Variants in DYM observed in about 807,000 individuals in gnomAD.
The protein encoded by DYM is dymeclin.
In DYM, 78 loss-of-function variants were observed where a neutral mutation model predicts 93.1. The observed-to-expected ratio is 0.84, with a 90% CI of 0.70 to 1.01. DYM has a LOEUF of 1.01. Among genes scored for constraint, DYM ranks in the 50% least tolerant of loss-of-function variants. The pLI, the probability that DYM is intolerant of heterozygous loss-of-function variation, is 0.00. For synonymous variants in DYM, 321 were observed against 319.7 expected (o/e 1.00, Z -0.04); for missense variants, 789 against 845.0 (o/e 0.93, Z 0.82).
chr18:49,269,200 TGCTCAAAATCACATTTTGA>T (rs2094628200), intron 11 of DYM, among the ~76,000 whole-genome samples: 2 of 152,234 alleles, frequency 1.3e-5, no homozygotes, highest in South Asian at 2.1e-4. Flanking sequence ...TATGAAAATG[TGCTCAAAATCACATTTTGA>T]GCTCAAAATT....
chr18:49,131,042 G>A (rs548350763), intron 15 of DYM, among the ~76,000 whole-genome samples: 2 of 152,316 alleles, frequency 1.3e-5, no homozygotes, highest in South Asian at 4.1e-4. Context: ...ATTAAATAAC[G>A]TATTTAAAAC....
At chr18:49,400,488 CAAGAG>C (rs1366743423) in intron 2 of DYM, among the ~76,000 whole-genome samples, 1 of 152,068 alleles carries the variant, frequency 6.6e-6, no homozygotes, top group Non-Finnish European at 1.5e-5. Context: ...TTATAAGCTC[CAAGAG>C]AACAGGAAGA....
intron 11 of DYM, among the ~76,000 whole-genome samples, chr18:49,262,386 G>A (rs1409860016): frequency 6.6e-6 from 1 of 152,214 alleles, no homozygotes; most frequent in East Asian, 1.9e-4. Context: ...CTATTGTTAG[G>A]AGTCACCTAG....
intron 13 of DYM, among the ~76,000 whole-genome samples, chr18:49,253,774 AAT>A (rs1484109838): frequency 6.6e-6 from 1 of 152,158 alleles, no homozygotes; most frequent in Non-Finnish European, 1.5e-5. Flanking sequence ...TGACTCAAGA[AAT>A]TTACCTTAAA....
intron 14 of DYM, among the ~76,000 whole-genome samples, chr18:49,190,024 G>A (rs964096399): frequency 2.0e-5 from 3 of 152,170 alleles, no homozygotes; most frequent in Non-Finnish European, 4.4e-5. Flanking sequence ...TGTTTCAATA[G>A]CTGCCTGCTA....
chr18:49,443,780 T>A (rs2081868795), intron 1 of DYM, among the ~76,000 whole-genome samples: 2 of 152,176 alleles, frequency 1.3e-5, no homozygotes, highest in Non-Finnish European at 2.9e-5. Flanking sequence ...CGAAGTAAAT[T>A]TCCAAATGGC....
intron 16 of DYM, among the ~76,000 whole-genome samples, chr18:49,106,403 A>C (rs888203025): frequency 6.6e-6 from 1 of 152,218 alleles, no homozygotes; most frequent in African/African-American, 2.4e-5. Flanking sequence ...TAGCCCATTT[A>C]CATTTAAGGT....
intron 15 of DYM, among the ~76,000 whole-genome samples, chr18:49,142,344 C>T (rs2084613780): frequency 6.6e-6 from 1 of 152,148 alleles, no homozygotes; most frequent in Admixed American, 6.5e-5. Flanking sequence ...CTCACTGTCA[C>T]ATGGCTATTA....
intron 14 of DYM, among the ~76,000 whole-genome samples, chr18:49,203,260 C>T (rs1396981538): frequency 1.8e-5 from 1 of 56,052 alleles, no homozygotes; most frequent in African/African-American, 5.0e-5. Context: ...CGGCCAGCCG[C>T]CCCGTCCAGG....
intron 16 of DYM, among the ~76,000 whole-genome samples, chr18:49,111,292 C>G (rs2081368440): frequency 6.6e-6 from 1 of 152,066 alleles, no homozygotes; most frequent in Non-Finnish European, 1.5e-5. Flanking sequence ...ATGGGTCCCA[C>G]TTAGTTGACC....
intron 14 of DYM, among the ~76,000 whole-genome samples, chr18:49,186,101 C>A (rs2090405296): frequency 6.6e-6 from 1 of 152,164 alleles, no homozygotes; most frequent in African/African-American, 2.4e-5. Flanking sequence ...CCAGTTTACA[C>A]ATTTTGTCTC....
At chr18:49,166,684 C>T (rs183506245) in intron 14 of DYM, among the ~76,000 whole-genome samples, 16 of 151,600 alleles carry the variant, frequency 1.1e-4, no homozygotes, top group Admixed American at 3.3e-4. Context: ...ATCAGTAATA[C>T]GCTTCTAATT....
chr18:49,238,729 T>C (rs1250927668), intron 13 of DYM, among the ~76,000 whole-genome samples: 14 of 151,566 alleles, frequency 9.2e-5, no homozygotes, highest in Non-Finnish European at 1.8e-4. Context: ...GAGGCAGAGG[T>C]TGCAGTGAGC....
At chr18:49,413,993 G>C (rs1000174862) in intron 2 of DYM, among the ~76,000 whole-genome samples, 5 of 151,830 alleles carry the variant, frequency 3.3e-5, no homozygotes, top group African/African-American at 1.2e-4. Context: ...CTGGACAACA[G>C]AGAGAGACTC....
chr18:49,279,654 C>T (rs1223318232), intron 10 of DYM, among the ~76,000 whole-genome samples: 2 of 152,198 alleles, frequency 1.3e-5, no homozygotes, highest in Non-Finnish European at 1.5e-5. Flanking sequence ...CTTTCTGAAA[C>T]AGGTGATGTC....
intron 13 of DYM, among the ~76,000 whole-genome samples, chr18:49,253,531 T>C (rs1165070434): frequency 6.6e-6 from 1 of 152,176 alleles, no homozygotes; most frequent in Non-Finnish European, 1.5e-5. Context: ...TGGATACAAA[T>C]CATCTGGGGA....
chr18:49,178,917 G>A (rs1443779593), intron 14 of DYM, among the ~76,000 whole-genome samples: 2 of 148,492 alleles, frequency 1.3e-5, no homozygotes, highest in Non-Finnish European at 3.0e-5. Context: ...CCCCCACCAC[G>A]CCCCCATTTT....
At chr18:49,317,582 T>TCCCTCC (rs70944608) in intron 8 of DYM, among the ~76,000 whole-genome samples, 1 of 12,214 alleles carries the variant, frequency 8.2e-5, no homozygotes, top group Non-Finnish European at 1.4e-4. Context: ...TCTCTCTCTC[T>TCCCTCC]CTCTCTCTCT....
intron 1 of DYM, among the ~76,000 whole-genome samples, chr18:49,432,512 T>C (rs568256844): frequency 7.3e-5 from 11 of 150,760 alleles, no homozygotes; most frequent in Non-Finnish European, 1.3e-4. Context: ...GCAAGCTACC[T>C]AATAGATATG....
Sources: gnomAD v4.1 joint callset for allele counts (sites outside exome capture counted in the v4.1 genomes callset) on GRCh38, gnomAD v4.1.1 for gene constraint, MANE v1.5 for transcripts, NCBI Gene and HGNC (gene_info 2026-07-23, HGNC 2026-07-21) for gene names.